Variants in MYRFL observed in about 807,000 individuals in gnomAD.
The protein encoded by MYRFL is myelin regulatory factor like, also known as myelin regulatory factor-like protein.
MYRFL carries 88 observed loss-of-function variants against 109.4 expected under a neutral mutation model. The ratio of observed to expected loss-of-function variants is 0.80; its 90% CI spans 0.68 to 0.96. The LOEUF (loss-of-function observed/expected upper bound fraction) is 0.96, where lower values mean the gene tolerates loss of function less well. Ranked by LOEUF, MYRFL falls within the 40% of genes least tolerant of loss-of-function variation. MYRFL has a pLI of 0.00. For synonymous variants in MYRFL, 324 were observed against 320.9 expected (o/e 1.01, Z -0.10); for missense variants, 957 against 954.9 (o/e 1.00, Z -0.03).
chr12:69,952,048 C>A, intron 19 of MYRFL, 65 bp from the exon 20 acceptor site: 1 of 1,383,732 alleles, frequency 7.2e-7, no homozygotes, highest in South Asian at 1.2e-5. Context: ...AACTAGGTCA[C>A]ACATGGGGTT....
intron 1 of MYRFL, among the ~76,000 whole-genome samples, chr12:69,835,469 C>T (rs1054188103): frequency 6.6e-6 from 1 of 152,188 alleles, no homozygotes; most frequent in African/African-American, 2.4e-5. Context: ...CTCATAAAAG[C>T]ATGCATGGGA....
At position 69,863,070 on chromosome 12, in the gene MYRFL, T is replaced by G. The variant is rs1420763661; in HGVS notation, c.137+7700T>G. Among the ~76,000 whole-genome samples, 35 of 152,132 alleles carry G rather than the reference T, an allele frequency of 2.3e-4. No homozygotes were observed. In the South Asian group the frequency reaches 6.7e-3, roughly 29 times the overall value. ...ATTACATTTATTGATTTGCATATATTGAACCAGCCTTGCATCCCAGGGATG... is the reference window on the plus strand; with the variant it reads ...ATTACATTTATTGATTTGCATATATGGAACCAGCCTTGCATCCCAGGGATG... On this transcript the variant is annotated intron_variant, in intron 2 of 24. Coordinates refer to ENST00000552032, the MANE Select transcript of MYRFL (RefSeq NM_182530.3).
chr12:69,907,016 A>G (rs983961102), intron 11 of MYRFL, among the ~76,000 whole-genome samples: 27 of 152,228 alleles, frequency 1.8e-4, no homozygotes, highest in African/African-American at 5.8e-4. Flanking sequence ...CTTACTCAAC[A>G]GGCATTGAAG....
chr12:69,849,943 GCT>G (rs1399330807), intron 1 of MYRFL, among the ~76,000 whole-genome samples: 1 of 152,134 alleles, frequency 6.6e-6, no homozygotes, highest in Non-Finnish European at 1.5e-5. Flanking sequence ...ATGTGGTTTG[GCT>G]CTGTGTCCCC....
chr12:69,874,541 T>A (rs1354367943), intron 2 of MYRFL, among the ~76,000 whole-genome samples: 1 of 152,334 alleles, frequency 6.6e-6, no homozygotes, highest in East Asian at 1.9e-4. Context: ...TCATTTTTAT[T>A]CTCTTCATAC....
In MYRFL at chr12:69,936,180, C is replaced by T. The variant is rs1425093036; in HGVS notation, c.1984C>T (p.Pro662Ser). 15 of 1,526,420 alleles carry T rather than the reference C, an allele frequency of 9.8e-6. No homozygotes were observed. The highest frequency in any genetic ancestry group is 4.0e-5 in the Admixed American group (2 of 50,038). 94.6% of individuals were successfully genotyped at this position (1,526,420 alleles called of 1,614,324 possible). Residue 662 changes from proline to serine, a missense_variant, in exon 17 of 25, where the codon CCT becomes TCT. By Grantham distance (74) the Pro-to-Ser change is moderately conservative. Transcript: ENST00000552032. ...TCAAGACCGACGTGTCCCAAATCTC[C>T]CTCCAAGGTGAGAGTTCAGTTCAAT... ...KDQDRRVPNLPPSNITSSQEP... is the reference protein window; with the variant it reads ...KDQDRRVPNLSPSNITSSQEP...
At chr12:69,860,190 A>G (rs1456641562) in intron 2 of MYRFL, among the ~76,000 whole-genome samples, 1 of 152,132 alleles carries the variant, frequency 6.6e-6, no homozygotes, top group Admixed American at 6.5e-5. Context: ...TATAAGTGAG[A>G]ATATGTGGTG....
At chr12:69,850,156 C>CAGACAAGACACATT (rs898321026) in intron 1 of MYRFL, among the ~76,000 whole-genome samples, 3 of 152,140 alleles carry the variant, frequency 2.0e-5, no homozygotes, top group African/African-American at 7.2e-5. Context: ...TGAAATGTGC[C>CAGACAAGACACATT]TTTCACCTTC....
At chr12:69,864,926 G>A (rs1884928033) in intron 2 of MYRFL, among the ~76,000 whole-genome samples, 3 of 152,182 alleles carry the variant, frequency 2.0e-5, no homozygotes, top group South Asian at 2.1e-4. Flanking sequence ...CTCCTAAAGC[G>A]AATGTTCCGC....
chr12:69,901,903 A>ATTTTTTTTTTTTTTT (rs1203678206), intron 10 of MYRFL, among the ~76,000 whole-genome samples: 11 of 137,576 alleles, frequency 8.0e-5, no homozygotes, highest in Admixed American at 1.4e-4. Context: ...GTTTTTTTTA[A>ATTTTTTTTTTTTTTT]ATTTTCTTGA....
intron 2 of MYRFL, among the ~76,000 whole-genome samples, chr12:69,868,228 T>A (rs1432375050): frequency 1.3e-5 from 2 of 151,040 alleles, no homozygotes; most frequent in Admixed American, 6.6e-5. Context: ...TGCCTCAGCC[T>A]CCCGAGTAGC....
intron 1 of MYRFL, among the ~76,000 whole-genome samples, chr12:69,842,346 T>C (rs186749454): frequency 1.3e-5 from 2 of 152,334 alleles, no homozygotes; most frequent in Admixed American, 6.5e-5. Context: ...AAAGTTCTTA[T>C]CATAATACAC....
At chr12:69,933,369 G>GT (rs560420106) in intron 16 of MYRFL, among the ~76,000 whole-genome samples, 10 of 152,124 alleles carry the variant, frequency 6.6e-5, no homozygotes, top group East Asian at 3.9e-4. Context: ...GAGTGCACCT[G>GT]TTTTTTTCTT....
At chr12:69,919,419 A>T (rs1338302080) in intron 13 of MYRFL, among the ~76,000 whole-genome samples, 1 of 152,246 alleles carries the variant, frequency 6.6e-6, no homozygotes, top group Non-Finnish European at 1.5e-5. Context: ...ACAATTTTAA[A>T]CACTTTTATG....
chr12:69,950,150 C>A (rs1429740340), intron 19 of MYRFL, among the ~76,000 whole-genome samples: 1 of 152,012 alleles, frequency 6.6e-6, no homozygotes, highest in Non-Finnish European at 1.5e-5. Context: ...TTAGAGACCA[C>A]AAACTCTACT....
intron 2 of MYRFL, among the ~76,000 whole-genome samples, chr12:69,861,473 T>G (rs1486400146): frequency 6.6e-6 from 1 of 152,256 alleles, no homozygotes; most frequent in East Asian, 1.9e-4. Flanking sequence ...CATTGTGGTT[T>G]TGATTTGCAC....
chr12:69,946,628 A>G (rs1161207508), intron 19 of MYRFL: 2 of 152,066 alleles, frequency 1.3e-5, no homozygotes, highest in Admixed American at 1.3e-4. Flanking sequence ...TCTATAGGAG[A>G]TATGTTGCTT....
At chr12:69,916,402 G>A (rs966458677) in intron 13 of MYRFL, among the ~76,000 whole-genome samples, 1 of 152,154 alleles carries the variant, frequency 6.6e-6, no homozygotes, top group Non-Finnish European at 1.5e-5. Context: ...GGGACTGAAA[G>A]TGTGGCCAAG....
intron 13 of MYRFL, among the ~76,000 whole-genome samples, chr12:69,924,016 C>T (rs1440694188): frequency 6.6e-6 from 1 of 151,772 alleles, no homozygotes; most frequent in Non-Finnish European, 1.5e-5. Flanking sequence ...AGTGAAACCC[C>T]GTCTCTACTA....
Sources: allele counts gnomAD v4.1 joint callset (sites outside exome capture counted in the v4.1 genomes callset), GRCh38; gene constraint gnomAD v4.1.1; transcripts MANE v1.5; gene names NCBI Gene and HGNC (gene_info 2026-07-23, HGNC 2026-07-21).